TRIM55: variants seen among roughly 807,000 people sequenced by gnomAD.
TRIM55 encodes tripartite motif containing 55.
TRIM55 carries 50 observed loss-of-function variants against 60.9 expected under a neutral mutation model. The ratio of observed to expected loss-of-function variants is 0.82; its 90% confidence interval spans 0.65 to 1.04. The LOEUF is 1.04. Among genes scored for constraint, TRIM55 ranks in the 50% least tolerant of loss-of-function variants. TRIM55 has a pLI of 0.00. For missense variants in TRIM55, 681 were observed against 666.9 expected (o/e 1.02, Z -0.23); for synonymous variants, 237 against 238.1 (o/e 1.00, Z 0.04).
intron 2 of TRIM55, 120 bp downstream of exon 2, chr8:66,128,596 A>T: frequency 8.7e-7 from 1 of 1,146,634 alleles, no homozygotes. Flanking sequence ...TTATGGAAAA[A>T]TGGTTTTCCA....
chr8:66,127,113 G>A, upstream of TRIM55: 1 of 757,664 alleles, frequency 1.3e-6, no homozygotes, highest in Non-Finnish European at 2.0e-6. Context: ...AACAGCTCCA[G>A]CACCCACTCC....
Position 66,174,875 on chromosome 8 carries a change from C to T in TRIM55, c.*282C>T, listed in dbSNP as rs76427229. 7.6e-3 allele frequency: 1,523 copies of T among 201,306 alleles called. 12 individuals are homozygous for T. The highest frequency in any genetic ancestry group is 0.012 in the Non-Finnish European group (1,175 of 99,624). The allele number at this position is 201,306 out of a possible 1,614,324, so 12.5% of individuals were successfully genotyped here. On this transcript the variant is annotated 3_prime_UTR_variant, in exon 10 of 10. Transcript: ENST00000315962. ...TTGTGAAGGGTGTGTAGGTGTGGTA[C>T]ATGTGTATGTCACTAACAAGTGGCA...
At chr8:66,114,765 G>T in the TRIM55 span, 2 of 373,968 alleles carry the variant, frequency 5.3e-6, no homozygotes, top group African/African-American at 2.1e-5. Flanking sequence ...CAAGGCAAAA[G>T]GTAGCCCTGG....
intron 4 of TRIM55, among the ~76,000 whole-genome samples, chr8:66,139,056 T>C (rs551942179): frequency 2.0e-5 from 3 of 152,322 alleles, no homozygotes; most frequent in South Asian, 4.1e-4. Context: ...GATCCATTTA[T>C]AGAAGGAAAG....
chr8:66,125,546 C>T (rs1221951615), upstream of TRIM55, among the ~76,000 whole-genome samples: 2 of 152,160 alleles, frequency 1.3e-5, no homozygotes, highest in African/African-American at 4.8e-5. Context: ...TAGAAAATAT[C>T]CCACATATTG....
At chr8:66,147,787 TC>T (rs1369709662) in intron 4 of TRIM55, among the ~76,000 whole-genome samples, 1 of 105,960 alleles carries the variant, frequency 9.4e-6, no homozygotes, top group Admixed American at 1.3e-4. Context: ...AGAGCATGAC[TC>T]CATCTCAAAA....
chr8:66,152,767 G>T, intron 8 of TRIM55, 140 bp downstream of exon 8: 1 of 1,196,568 alleles, frequency 8.4e-7, no homozygotes, highest in Non-Finnish European at 1.1e-6. Flanking sequence ...AAAGATTTCA[G>T]GACAGTCCTC....
chr8:66,135,837 T>TTTCA (rs1809452926), intron 3 of TRIM55, among the ~76,000 whole-genome samples: 1 of 152,120 alleles, frequency 6.6e-6, no homozygotes, highest in African/African-American at 2.4e-5. Flanking sequence ...GCCAACCTGG[T>TTTCA]TTCATTCATG....
chr8:66,114,034 C>T, the TRIM55 span, among the ~76,000 whole-genome samples: 5 of 148,888 alleles, frequency 3.4e-5, no homozygotes, highest in Non-Finnish European at 5.9e-5. Flanking sequence ...GGCGCGCGCC[C>T]GTGGCCATCC....
upstream of TRIM55, among the ~76,000 whole-genome samples, chr8:66,126,247 T>C (rs930794831): frequency 2.0e-5 from 3 of 152,230 alleles, no homozygotes; most frequent in African/African-American, 7.2e-5. Flanking sequence ...AATAAAATAA[T>C]AGATCTGCCA....
upstream of TRIM55, among the ~76,000 whole-genome samples, chr8:66,126,612 C>T (rs972096613): frequency 2.0e-5 from 3 of 152,198 alleles, no homozygotes; most frequent in African/African-American, 7.2e-5. Flanking sequence ...AAGACCACAA[C>T]CCCAGCTGAC....
At chr8:66,167,499 C>T (rs1487186345) in intron 9 of TRIM55, among the ~76,000 whole-genome samples, 1 of 152,220 alleles carries the variant, frequency 6.6e-6, no homozygotes, top group Non-Finnish European at 1.5e-5. Context: ...CCTCTCCACC[C>T]TGATCCCATC....
Position 66,152,528 on chromosome 8 carries a change from C to G in TRIM55, c.1137C>G (p.Leu379=). The G allele has an allele frequency of 1.2e-6, 2 of 1,614,156 alleles. No homozygotes were observed. The highest frequency in any genetic ancestry group is 1.7e-6 in the Non-Finnish European group (2 of 1,180,026). The change falls in exon 8 of 10, where the codon CTC becomes CTG. Residue 379 remains leucine (L), a synonymous_variant. Transcript: ENST00000315962. ...AAAACCCAGAAAAAGCTTCAGAGCT[C>G]TCTCAGGTGGAGCTGCAGGCTGCCC... The part of the protein sequence containing the change: ...EDENPEKASE[L]SQVELQAAPG...
the TRIM55 span, among the ~76,000 whole-genome samples, chr8:66,118,704 C>T: frequency 6.6e-6 from 1 of 152,188 alleles, no homozygotes; most frequent in African/African-American, 2.4e-5. Flanking sequence ...ACACCCTGAG[C>T]TCTAGGATAC....
chr8:66,118,155 C>G, the TRIM55 span, among the ~76,000 whole-genome samples: 1 of 107,590 alleles, frequency 9.3e-6, no homozygotes. Flanking sequence ...GGGGACAGAG[C>G]GAGACTCCGT....
At chr8:66,125,271 C>T (rs564380782), upstream of TRIM55, among the ~76,000 whole-genome samples, 1 of 152,354 alleles carries the variant, frequency 6.6e-6, no homozygotes, top group African/African-American at 2.4e-5. Context: ...TACTCTTTAT[C>T]ACATTTTATT....
chr8:66,114,728 C>G, the TRIM55 span: 1 of 434,528 alleles, frequency 2.3e-6, no homozygotes, highest in Non-Finnish European at 4.6e-6. Flanking sequence ...GACTGCCTGG[C>G]TCTGGGCAGA....
upstream of TRIM55, among the ~76,000 whole-genome samples, chr8:66,123,667 G>A (rs145177036): frequency 3.4e-3 from 523 of 152,228 alleles, 1 homozygote; most frequent in African/African-American, 0.012. Flanking sequence ...ACCAGCCTGG[G>A]CAACATAGCA....
chr8:66,128,214 G>C, intron 1 of TRIM55, 90 bp from the exon 2 acceptor site: 1 of 1,243,856 alleles, frequency 8.0e-7, no homozygotes, highest in Non-Finnish European at 1.1e-6. Flanking sequence ...AGAAGTTCAT[G>C]TTGTTTGTAG....
Sources: allele counts gnomAD v4.1 joint callset (sites outside exome capture counted in the v4.1 genomes callset), GRCh38; gene constraint gnomAD v4.1.1; transcripts MANE v1.5; gene names NCBI Gene and HGNC (gene_info 2026-07-23, HGNC 2026-07-21).